Variants in UBASH3B observed in about 807,000 individuals in gnomAD.
The protein encoded by UBASH3B is ubiquitin associated and SH3 domain containing B, also known as ubiquitin-associated and SH3 domain-containing protein B.
Under a neutral mutation model 83.4 loss-of-function variants are expected in UBASH3B, and 37 were observed. That is an observed-to-expected ratio of 0.44 (90% CI 0.34 to 0.58). The LOEUF is 0.58. UBASH3B is among the 20% of genes least tolerant of loss of function. The pLI is 0.01. For synonymous variants in UBASH3B, 304 were observed against 318.3 expected (o/e 0.96, Z 0.48); for missense variants, 657 against 827.2 (o/e 0.79, Z 2.52).
At chr11:122,752,727 C>G (rs779319190) in intron 1 of UBASH3B, among the ~76,000 whole-genome samples, 1 of 152,054 alleles carries the variant, frequency 6.6e-6, no homozygotes, top group African/African-American at 2.4e-5. Context: ...CAGGGAGAGC[C>G]GTTGAAAGAG....
intron 5 of UBASH3B, among the ~76,000 whole-genome samples, chr11:122,785,812 T>C (rs916971143): frequency 1.3e-5 from 2 of 152,118 alleles, no homozygotes; most frequent in Admixed American, 6.5e-5. Context: ...ATAAAGAAGA[T>C]GTATGGAAAG....
intron 1 of UBASH3B, among the ~76,000 whole-genome samples, chr11:122,744,855 A>T (rs1041841492): frequency 1.1e-5 from 1 of 93,788 alleles, no homozygotes; most frequent in South Asian, 3.1e-4. Context: ...TGTGTTGAGT[A>T]TGATCACATG....
chr11:122,737,030 T>A (rs992373177), intron 1 of UBASH3B, among the ~76,000 whole-genome samples: 1 of 152,164 alleles, frequency 6.6e-6, no homozygotes, highest in Non-Finnish European at 1.5e-5. Context: ...AAAGAATGCA[T>A]GCCCACTGCT....
chr11:122,763,226 G>C (rs1211812547), intron 1 of UBASH3B, among the ~76,000 whole-genome samples: 1 of 152,162 alleles, frequency 6.6e-6, no homozygotes, highest in East Asian at 1.9e-4. Context: ...GTCTTATTAT[G>C]TCACCACCCA....
intron 1 of UBASH3B, among the ~76,000 whole-genome samples, chr11:122,752,431 T>G (rs138925328): frequency 4.0e-4 from 61 of 152,288 alleles, no homozygotes; most frequent in African/African-American, 1.4e-3. Context: ...AGGGACCAGG[T>G]GCAATTTGCA....
chr11:122,715,994 C>T (rs1860518785), intron 1 of UBASH3B, among the ~76,000 whole-genome samples: 1 of 152,190 alleles, frequency 6.6e-6, no homozygotes, highest in African/African-American at 2.4e-5. Flanking sequence ...CTTTCTTTGT[C>T]CCTGTTTCAG....
intron 1 of UBASH3B, among the ~76,000 whole-genome samples, chr11:122,774,772 G>T (rs554074163): frequency 2.0e-5 from 3 of 152,178 alleles, no homozygotes; most frequent in South Asian, 2.1e-4. Flanking sequence ...ACTGTCCAAG[G>T]CTCCTTCTCT....
At chr11:122,691,186 C>T (rs752755079) in intron 1 of UBASH3B, among the ~76,000 whole-genome samples, 3 of 152,206 alleles carry the variant, frequency 2.0e-5, no homozygotes, top group Non-Finnish European at 2.9e-5. Flanking sequence ...AACCACATGG[C>T]TGTGTGTTCT....
At chr11:122,730,821 C>A (rs1157490032) in intron 1 of UBASH3B, among the ~76,000 whole-genome samples, 1 of 152,082 alleles carries the variant, frequency 6.6e-6, no homozygotes, top group African/African-American at 2.4e-5. Context: ...TCTTGAACTC[C>A]CGACCTCAGG....
rs1591801434 is a variant in UBASH3B at position 122,759,626 on chromosome 11, C to G, written c.162-16593C>G. Among the ~76,000 whole-genome samples the G allele has an allele frequency of 6.6e-6, 1 of 152,278 alleles. No homozygotes were observed. The highest frequency in any genetic ancestry group is 2.1e-4 in the South Asian group (1 of 4,822). On this transcript the variant is annotated intron_variant, in intron 1 of 13. Coordinates refer to ENST00000284273, the MANE Select transcript of UBASH3B (RefSeq NM_032873.5). The surrounding 1 kb of genome is among the most constrained non-coding windows in gnomAD (Gnocchi z 4.1). ...ATCTGTGGGTGATGGGAGACAATGA[C>G]AGACTATCAGGCATTAGATTCTCCT...
At chr11:122,743,439 C>A (rs1214579761) in intron 1 of UBASH3B, among the ~76,000 whole-genome samples, 1 of 152,120 alleles carries the variant, frequency 6.6e-6, no homozygotes, top group Non-Finnish European at 1.5e-5. Flanking sequence ...TAGTCTCAAA[C>A]TTCTGGGCTC....
intron 1 of UBASH3B, among the ~76,000 whole-genome samples, chr11:122,711,983 C>T (rs544898329): frequency 1.1e-4 from 17 of 152,050 alleles, no homozygotes; most frequent in African/African-American, 3.9e-4. Context: ...AAGGACAGCC[C>T]GCAGCTTCCC....
At chr11:122,804,926 G>T (rs1231310871) in intron 11 of UBASH3B, among the ~76,000 whole-genome samples, 2 of 152,234 alleles carry the variant, frequency 1.3e-5, no homozygotes, top group Non-Finnish European at 2.9e-5. Flanking sequence ...AGTTAAGCGG[G>T]GGTGGAGGCA....
intron 1 of UBASH3B, among the ~76,000 whole-genome samples, chr11:122,699,532 T>C (rs1412745452): frequency 4.0e-5 from 1 of 24,966 alleles, no homozygotes; most frequent in Non-Finnish European, 7.4e-5. Context: ...TCTTTCTTTC[T>C]CTTTCTTTCT....
intron 1 of UBASH3B, among the ~76,000 whole-genome samples, chr11:122,744,059 C>T (rs1056808285): frequency 3.9e-5 from 6 of 152,210 alleles, no homozygotes; most frequent in Non-Finnish European, 7.3e-5. Context: ...GAGGGAGACC[C>T]AGGCGTCAGT....
At chr11:122,676,273 CT>C (rs1863666642) in intron 1 of UBASH3B, among the ~76,000 whole-genome samples, 1 of 152,048 alleles carries the variant, frequency 6.6e-6, no homozygotes, top group South Asian at 2.1e-4. Context: ...GGCAGGATGA[CT>C]CACAGCTGTA....
At chr11:122,735,195 T>C (rs546062633) in intron 1 of UBASH3B, among the ~76,000 whole-genome samples, 1 of 152,316 alleles carries the variant, frequency 6.6e-6, no homozygotes, top group African/African-American at 2.4e-5. Flanking sequence ...TAATACCCAA[T>C]AGCATATATT....
intron 1 of UBASH3B, among the ~76,000 whole-genome samples, chr11:122,664,742 T>C (rs1043038717): frequency 7.2e-5 from 11 of 152,258 alleles, no homozygotes; most frequent in African/African-American, 2.7e-4. Context: ...GTGTCCTAGA[T>C]GAACATCCAG....
chr11:122,808,865 T>C (rs1167649499), intron 13 of UBASH3B, among the ~76,000 whole-genome samples: 1 of 152,166 alleles, frequency 6.6e-6, no homozygotes, highest in Non-Finnish European at 1.5e-5. Flanking sequence ...TTTTGTCTTG[T>C]TTGTAAATGC....
Sources: allele counts gnomAD v4.1 joint callset (sites outside exome capture counted in the v4.1 genomes callset), GRCh38; gene constraint gnomAD v4.1.1; non-coding constraint Gnocchi (gnomAD v3.1); transcripts MANE v1.5; gene names NCBI Gene and HGNC (gene_info 2026-07-23, HGNC 2026-07-21).